The following HUWE1 variants were observed in gnomAD, a reference collection of about 807,000 sequenced individuals.
HUWE1 encodes the protein HECT, UBA and WWE domain containing E3 ubiquitin protein ligase 1, also known as E3 ubiquitin-protein ligase HUWE1.
HUWE1 carries 18 observed loss-of-function variants against 299.4 expected under a neutral mutation model. The ratio of observed to expected loss-of-function variants is 0.06; its 90% CI spans 0.04 to 0.09. The LOEUF is 0.09. Ranked by LOEUF, HUWE1 falls within the 10% of genes least tolerant of loss-of-function variation. HUWE1 has a pLI of 1.00. For synonymous variants in HUWE1, 1,317 were observed against 1,286.1 expected (o/e 1.02, Z -0.51); for missense variants, 1,832 against 3,462.3 (o/e 0.53, Z 11.82).
In HUWE1 at chrX:53,589,627, C is replaced by G. The variant is rs1191700027; in HGVS notation, c.4381G>C (p.Val1461Leu). 3.3e-6 allele frequency: 4 copies of G among 1,209,105 alleles called. No homozygotes were observed. Among genetic ancestry groups the G allele is most frequent in the Non-Finnish European group, 4.5e-6 (4 of 894,615 alleles). ...LDELPDTVYRVCDLIMTAIKR... is the reference protein window; with the variant it reads ...LDELPDTVYRLCDLIMTAIKR... The stretch of plus-strand genomic sequence containing the variant: ...ATTGCTGTCATGATCAGGTCACACA[C>G]ACGGTATACTGTGTCTGGCAGCTCA... Residue 1461 changes from valine (V) to leucine (L), a missense_variant, in exon 36 of 84, where the codon GTG (valine) becomes CTG (leucine). Physicochemically the swap from Val to Leu is conservative, Grantham distance 32. Transcript: ENST00000262854.
intron 7 of HUWE1, among the ~76,000 whole-genome samples, chrX:53,638,643 A>G (rs982634397): frequency 9.8e-5 from 11 of 112,332 alleles, no homozygotes; most frequent in Non-Finnish European, 1.9e-5. Flanking sequence ...GTTAGTATTA[A>G]TATTACCTGG....
chrX:53,634,989 ATT>A lies in HUWE1; in HGVS notation c.505-693_505-692del. Among the ~76,000 whole-genome samples, 3 of 111,547 alleles carry A rather than the reference ATT, an allele frequency of 2.7e-5. No homozygotes were observed. The East Asian group carries it at 8.3e-4, about 31-fold the overall frequency. Reference sequence around the variant, plus strand: ...ACTTTAACATTAAGAGCATTAACGTATTTTTATTTTTAAATCATTCATAATTA... The same window carrying A: ...ACTTTAACATTAAGAGCATTAACGTATTTATTTTTAAATCATTCATAATTA... On this transcript the variant is annotated intron_variant, in intron 7 of 83. Coordinates refer to ENST00000262854, the MANE Select transcript of HUWE1 (RefSeq NM_031407.7).
chrX:53,644,000 T>G (rs2067797692), intron 7 of HUWE1, among the ~76,000 whole-genome samples: 1 of 110,758 alleles, frequency 9.0e-6, no homozygotes, highest in Non-Finnish European at 1.9e-5. Context: ...ATTTTTGTAC[T>G]TTTTGCAGAG....
chrX:53,588,502 A>G lies in HUWE1; in HGVS notation c.4494T>C (p.Ala1498=), dbSNP rs1556975452. Residue 1498 remains alanine, a synonymous_variant, in exon 37 of 84, where the codon GCT becomes GCC. Transcript: ENST00000262854. ...VWEAADVLIK[A]ALPLTTSDTK... is the part of the protein sequence containing the mutation. ...TGTCACTTGTTGTCAGGGGAAGAGC[A>G]GCTTTGATCAATACATCAGCAGCTT... 1 of 1,206,531 alleles carries G rather than the reference A, an allele frequency of 8.3e-7. No homozygotes were observed. Among genetic ancestry groups the G allele is most frequent in the Admixed American group, 2.2e-5 (1 of 45,561 alleles).
At chrX:53,586,990 G>T in intron 37 of HUWE1, 81 bp from the exon 38 acceptor site, 1 of 1,042,708 alleles carries the variant, frequency 9.6e-7, no homozygotes, top group Non-Finnish European at 1.3e-6. Flanking sequence ...GGATAGGGGA[G>T]GGGAACATAA....
chrX:53,568,384 G>A (rs781883167), intron 49 of HUWE1, among the ~76,000 whole-genome samples: 1 of 110,796 alleles, frequency 9.0e-6, no homozygotes, highest in South Asian at 3.9e-4. Flanking sequence ...TGGGTGGTAG[G>A]AATACAGTGT....
chrX:53,573,634 A>T, intron 47 of HUWE1, 116 bp downstream of exon 47: 2 of 624,316 alleles, frequency 3.2e-6, no homozygotes, highest in Non-Finnish European at 5.3e-6. Context: ...GCCTCTTCTC[A>T]CTCATTACTT....
At chrX:53,562,316 G>T in intron 53 of HUWE1, 72 bp from the exon 54 acceptor site, 1 of 1,146,216 alleles carries the variant, frequency 8.7e-7, no homozygotes, top group Admixed American at 2.4e-5. Flanking sequence ...AGGCCAGCAG[G>T]CTGAGTGGGA....
intron 35 of HUWE1, 114 bp downstream of exon 35, chrX:53,590,290 C>A: frequency 1.7e-6 from 1 of 587,524 alleles, no homozygotes. Context: ...GTACTCTTCT[C>A]ATGTCTTCCT....
At position 53,592,550 on chromosome X, in the gene HUWE1, G is replaced by C; in HGVS notation, c.3820C>G (p.Leu1274Val). ...CGGAGGATGTGGCATAGAATGGCCA[G>C]CATCGATTCAGCCATTCGTCCACCA... The part of the protein sequence containing the change: ...VYGGRMAESM[L>V]AILCHILRGE... The change falls in exon 33 of 84, where the codon CTG (leucine) becomes GTG (valine). Residue 1274 changes from leucine (L) to valine (V), a missense_variant. Leu to Val is a conservative substitution (Grantham distance 32). Transcript: ENST00000262854. The C allele has an allele frequency of 8.3e-7, 1 of 1,210,826 alleles. No individual in the cohort carries two copies. The highest frequency in any genetic ancestry group is 3.0e-5 in the East Asian group (1 of 33,832).
Position 53,648,231 on chromosome X carries a change from T to C in HUWE1, c.125A>G (p.Lys42Arg). The C allele has an allele frequency of 1.7e-6, 2 of 1,200,330 alleles. No homozygotes were observed. The highest frequency in any genetic ancestry group is 2.3e-6 in the Non-Finnish European group (2 of 884,984). Residue 42 changes from lysine (K) to arginine (R), a missense_variant, in exon 5 of 84, where the codon AAA (lysine) becomes AGA (arginine). Lys to Arg is a conservative substitution (Grantham distance 26). Coordinates refer to ENST00000262854, the MANE Select transcript of HUWE1 (RefSeq NM_031407.7). ...ACATACCTTTCCAATGTTCCATGTT[T>C]TGATCTGCTGCAGTTCCAAGAGAAG... ...EQLLLELQQI[K>R]TWNIGKCELY... is the part of the protein sequence containing the mutation.
chrX:53,630,803 G>A, intron 12 of HUWE1, 132 bp downstream of exon 12: 1 of 489,400 alleles, frequency 2.0e-6, no homozygotes, highest in Non-Finnish European at 3.7e-6. Flanking sequence ...AACACTGGGA[G>A]GGGTGGAAGT....
chrX:53,578,798 G>GTGTGCCCA (rs2063387893), intron 43 of HUWE1, among the ~76,000 whole-genome samples: 1 of 81,725 alleles, frequency 1.2e-5, no homozygotes, highest in Non-Finnish European at 2.4e-5. Flanking sequence ...CGTCTGGGAG[G>GTGTGCCCA]GAGGTGGGGG....
At chrX:53,595,062 G>A (rs1556983602) in intron 30 of HUWE1, 125 bp downstream of exon 30, 2 of 552,549 alleles carry the variant, frequency 3.6e-6, no homozygotes, top group Non-Finnish European at 3.0e-6. Context: ...TCATTTTCTA[G>A]AGTAAACAAG....
intron 3 of HUWE1, among the ~76,000 whole-genome samples, chrX:53,660,295 T>C (rs1275623874): frequency 2.7e-5 from 3 of 112,010 alleles, no homozygotes; most frequent in South Asian, 3.7e-4. Context: ...CTCAGGTTAT[T>C]TGCATGAGTG....
Position 53,624,524 on chromosome X carries a change from A to G in HUWE1, c.1672+71T>C, listed in dbSNP as rs890021904. ...AAATAAATAAGTAAATAAGTAAGTA[A>G]GTAAATACAGAGAGAGAGAGCTCTG... On this transcript the variant is annotated intron_variant, in intron 19 of 83. Coordinates refer to ENST00000262854, the MANE Select transcript of HUWE1 (RefSeq NM_031407.7). The G allele has an allele frequency of 2.0e-4, 140 of 686,177 alleles. 2 individuals are homozygous for G. Among genetic ancestry groups the G allele is most frequent in the Non-Finnish European group, 2.2e-4 (94 of 420,984 alleles). The allele number at this position is 686,177 out of a possible 1,213,427, so 56.5% of individuals were successfully genotyped here.
At chrX:53,684,415 G>A (rs1259127386) in intron 2 of HUWE1, among the ~76,000 whole-genome samples, 3 of 112,177 alleles carry the variant, frequency 2.7e-5, no homozygotes, top group Admixed American at 1.9e-4. Context: ...CGCCTACCAC[G>A]AGGTTTCCGA....
rs782029772 is a variant in HUWE1, at chrX:53,631,611, T to C, written c.649A>G (p.Thr217Ala). Reference protein sequence around the residue: ...GAEVKIEKRTTSNTLHYIHIE... With the variant: ...GAEVKIEKRTASNTLHYIHIE... The stretch of plus-strand genomic sequence containing the variant: ...TGAATATAATGTAGTGTGTTACTAG[T>C]TGTCTAAAATTAAAAAAGACAAGAG... The change falls in exon 10 of 84, where the codon ACT (threonine) becomes GCT (alanine). Residue 217 changes from threonine to alanine, a missense_variant. Thr to Ala is a moderately conservative substitution (Grantham distance 58). Around this residue, in one of 15 missense-constraint regions of HUWE1, gnomAD observed 658 missense variants for 1,282.6 expected, o/e 0.51. Transcript: ENST00000262854. The C allele has an allele frequency of 1.0e-5, 12 of 1,180,460 alleles. No individual in the cohort carries two copies. Among genetic ancestry groups the C allele is most frequent in the South Asian group, 1.8e-5 (1 of 56,056 alleles).
At chrX:53,672,871 G>C (rs1242540745) in intron 3 of HUWE1, among the ~76,000 whole-genome samples, 2 of 111,877 alleles carry the variant, frequency 1.8e-5, no homozygotes, top group Non-Finnish European at 3.8e-5. Context: ...AGAAGATACT[G>C]CATACCAAAA....
Sources: gnomAD v4.1 joint callset for allele counts (sites outside exome capture counted in the v4.1 genomes callset) on GRCh38, gnomAD v4.1.1 for gene constraint, gnomAD v4.1.1 regional missense constraint, MANE v1.5 for transcripts, NCBI Gene and HGNC (gene_info 2026-07-23, HGNC 2026-07-21) for gene names.